The following CAPG variants were observed in gnomAD, a reference collection of about 807,000 sequenced individuals.
CAPG encodes the protein capping actin protein, gelsolin like, also known as macrophage-capping protein.
A neutral mutation model predicts 44.6 loss-of-function variants in CAPG; 32 were observed. The ratio of observed to expected loss-of-function variants is 0.72; its 90% confidence interval spans 0.54 to 0.96. CAPG has a LOEUF of 0.96. CAPG is among the 50% of genes least tolerant of loss of function. CAPG has a pLI of 0.00. For synonymous variants in CAPG, 175 were observed against 179.6 expected (o/e 0.97, Z 0.20); for missense variants, 412 against 438.3 (o/e 0.94, Z 0.54).
At chr2:85,412,076 C>G (rs540289942), upstream of CAPG, among the ~76,000 whole-genome samples, 2 of 149,558 alleles carry the variant, frequency 1.3e-5, no homozygotes, top group African/African-American at 4.9e-5. Context: ...AAAAAAAAAG[C>G]AATACTGGAT....
intron 1 of CAPG, among the ~76,000 whole-genome samples, chr2:85,404,857 G>A (rs1490501511): frequency 1.3e-5 from 2 of 151,394 alleles, no homozygotes; most frequent in African/African-American, 4.9e-5. Context: ...TATCGCTTGA[G>A]CCCAGGAGAT....
At chr2:85,407,559 A>T (rs1482898787) in intron 1 of CAPG, among the ~76,000 whole-genome samples, 1 of 151,748 alleles carries the variant, frequency 6.6e-6, no homozygotes. Flanking sequence ...CAAAATATAC[A>T]AAAATTAGCT....
chr2:85,414,770 A>C (rs1019292959), upstream of CAPG, among the ~76,000 whole-genome samples: 3 of 152,166 alleles, frequency 2.0e-5, no homozygotes, highest in Non-Finnish European at 4.4e-5. Context: ...TCTGACCTGC[A>C]ACACCTGACC....
intron 1 of CAPG, among the ~76,000 whole-genome samples, chr2:85,415,822 A>G (rs1463708701): frequency 6.6e-6 from 1 of 152,210 alleles, no homozygotes; most frequent in Non-Finnish European, 1.5e-5. Flanking sequence ...GAAGGTTGTG[A>G]GGATTCAATG....
intron 1 of CAPG, among the ~76,000 whole-genome samples, chr2:85,417,143 CT>C (rs1257073344): frequency 1.3e-5 from 2 of 152,196 alleles, no homozygotes; most frequent in Non-Finnish European, 2.9e-5. Context: ...AAGTTTACCC[CT>C]GTACAGCCAG....
chr2:85,401,113 C>G, intron 5 of CAPG, 52 bp downstream of exon 5: 1 of 1,563,448 alleles, frequency 6.4e-7, no homozygotes, highest in Non-Finnish European at 8.7e-7. Flanking sequence ...CCCCTCCGTC[C>G]TTATAAAGGA....
At chr2:85,418,676 C>A (rs1687638870), upstream of CAPG, 1 of 148,430 alleles carries the variant, frequency 6.7e-6, no homozygotes, top group Admixed American at 6.6e-5. Context: ...CTTTTGGCCC[C>A]TCCCCTACAA....
intron 1 of CAPG, among the ~76,000 whole-genome samples, chr2:85,403,131 G>A (rs768585023): frequency 2.2e-4 from 33 of 152,162 alleles, no homozygotes; most frequent in Non-Finnish European, 3.4e-4. Context: ...AACAGAAAGA[G>A]AAAACACAAA....
At chr2:85,406,652 A>C (rs1482049701) in intron 1 of CAPG, among the ~76,000 whole-genome samples, 2 of 152,124 alleles carry the variant, frequency 1.3e-5, no homozygotes, top group Non-Finnish European at 2.9e-5. Context: ...TGAGGTCGGG[A>C]GTTCGAGACC....
chr2:85,392,480 C>T (rs1686423100), downstream of CAPG, among the ~76,000 whole-genome samples: 2 of 152,018 alleles, frequency 1.3e-5, no homozygotes, highest in South Asian at 4.1e-4. Context: ...ACCTTCTGTC[C>T]TCCGGACCCC....
chr2:85,407,033 C>A (rs192692823), intron 1 of CAPG, among the ~76,000 whole-genome samples: 52 of 151,508 alleles, frequency 3.4e-4, no homozygotes, highest in Non-Finnish European at 6.3e-4. Context: ...TGAGTTGAAG[C>A]AATTCTCCTG....
At chr2:85,408,109 G>A (rs1404908535) in intron 1 of CAPG, among the ~76,000 whole-genome samples, 2 of 152,110 alleles carry the variant, frequency 1.3e-5, no homozygotes, top group Non-Finnish European at 2.9e-5. Flanking sequence ...TTGGAAGGCT[G>A]AGGCGGGTGG....
At chr2:85,418,228 G>A (rs1388647522) in intron 1 of CAPG, 2 of 152,208 alleles carry the variant, frequency 1.3e-5, no homozygotes, top group Non-Finnish European at 2.9e-5. Context: ...GGCCGACTCC[G>A]GCCAGAGCGC....
At chr2:85,402,000 C>T (rs1297325605) in intron 2 of CAPG, 43 bp from the exon 3 acceptor site, 4 of 1,613,248 alleles carry the variant, frequency 2.5e-6, no homozygotes, top group Non-Finnish European at 3.4e-6. Context: ...GACCCACTTG[C>T]CCAAGCACAG....
chr2:85,418,567 G>C (rs1687629646), upstream of CAPG: 1 of 151,710 alleles, frequency 6.6e-6, no homozygotes, highest in Non-Finnish European at 1.5e-5. Flanking sequence ...AGGGCCCTCG[G>C]GGACGGGAGC....
upstream of CAPG, chr2:85,413,867 A>AC (rs1253783117): frequency 1.3e-5 from 2 of 152,162 alleles, no homozygotes; most frequent in Non-Finnish European, 2.9e-5. Flanking sequence ...CTAAGAGAGG[A>AC]CCCCGGCTGT....
At chr2:85,396,748 C>T (rs1459295554) in intron 8 of CAPG, among the ~76,000 whole-genome samples, 5 of 152,144 alleles carry the variant, frequency 3.3e-5, no homozygotes, top group East Asian at 1.9e-4. Context: ...CTGCAGCACA[C>T]GCCTCTCGCT....
chr2:85,414,832 G>A (rs1687515867), upstream of CAPG, among the ~76,000 whole-genome samples: 1 of 152,188 alleles, frequency 6.6e-6, no homozygotes, highest in Admixed American at 6.5e-5. Context: ...TGCACCAGGA[G>A]GCCAGGCCTT....
At chr2:85,398,578 C>CA in intron 7 of CAPG, 112 bp downstream of exon 7, 1 of 893,654 alleles carries the variant, frequency 1.1e-6, no homozygotes, top group South Asian at 1.5e-5. Flanking sequence ...ACCTCGGTTC[C>CA]AGCCCCACCT....
Sources: allele counts gnomAD v4.1 joint callset (sites outside exome capture counted in the v4.1 genomes callset), GRCh38; gene constraint gnomAD v4.1.1; transcripts MANE v1.5; gene names NCBI Gene and HGNC (gene_info 2026-07-23, HGNC 2026-07-21).